Variants in UBN2 observed in about 807,000 individuals in gnomAD.
UBN2 encodes the protein ubinuclein-2.
A neutral mutation model predicts 120.2 loss-of-function variants in UBN2; 35 were observed. That is an observed-to-expected ratio of 0.29 (90% CI 0.22 to 0.39). The LOEUF is 0.39. Among genes scored for constraint, UBN2 ranks in the 10% least tolerant of loss-of-function variants. The pLI is 1.00. For synonymous variants in UBN2, 661 were observed against 648.7 expected (o/e 1.02, Z -0.29); for missense variants, 1,693 against 1,663.2 (o/e 1.02, Z -0.31).
chr7:139,267,961 C>G (rs1398837484), intron 7 of UBN2, among the ~76,000 whole-genome samples: 1 of 152,226 alleles, frequency 6.6e-6, no homozygotes, highest in Admixed American at 6.5e-5. Context: ...GTCCCAGATT[C>G]CATAGTCAGG....
At chr7:139,273,086 T>A (rs1797336656) in intron 9 of UBN2, among the ~76,000 whole-genome samples, 1 of 152,204 alleles carries the variant, frequency 6.6e-6, no homozygotes, top group Admixed American at 6.6e-5. Context: ...AAAAGGTGAA[T>A]GTTGGTGCCT....
At chr7:139,313,077 C>T (rs576536258), downstream of UBN2, among the ~76,000 whole-genome samples, 54 of 151,904 alleles carry the variant, frequency 3.6e-4, no homozygotes, top group African/African-American at 1.1e-3. Context: ...AGAGAGTCCC[C>T]GTCTTTGTTA....
Position 139,284,291 on chromosome 7 carries a change from T to A in UBN2, c.3386T>A (p.Leu1129Ter). Residue 1129 changes from leucine (L) to a stop codon, truncating the protein, a stop_gained, in exon 15 of 18, where the codon TTG becomes TAG. Coordinates refer to ENST00000473989, the MANE Select transcript of UBN2 (RefSeq NM_173569.4). LOFTEE classifies it high-confidence loss of function. ...ISRQSPTLNLLPSSRTSGLPP... is the reference protein window; with the variant it reads ...ISRQSPTLNL ...AGACAGTCTCCCACCTTGAATTTAT[T>A]GCCCTCTAGTCGCACTTCAGGCCTT... is the stretch of plus-strand genomic sequence containing the variant. 1 of 1,614,190 alleles carries A rather than the reference T, an allele frequency of 6.2e-7. No individual in the cohort carries two copies. Among genetic ancestry groups the A allele is most frequent in the Non-Finnish European group, 8.5e-7 (1 of 1,180,036 alleles).
intron 6 of UBN2, among the ~76,000 whole-genome samples, chr7:139,261,969 GA>G (rs1199139409): frequency 1.5e-5 from 2 of 136,874 alleles, no homozygotes; most frequent in Non-Finnish European, 3.1e-5. Flanking sequence ...TTTTTTAGTA[GA>G]GACGGGGTTT....
chr7:139,237,368 C>T (rs376419709), intron 2 of UBN2, among the ~76,000 whole-genome samples: 2 of 152,226 alleles, frequency 1.3e-5, no homozygotes, highest in South Asian at 4.1e-4. Flanking sequence ...GCAGTGTTGG[C>T]TCACTGCAAC....
At chr7:139,293,578 T>G (rs771143344) in intron 16 of UBN2, 115 bp downstream of exon 16, 282 of 949,074 alleles carry the variant, frequency 3.0e-4, no homozygotes, top group Non-Finnish European at 4.1e-4. Flanking sequence ...TATAGTTTTT[T>G]TTTTTTTTTT....
intron 2 of UBN2, 34 bp from the exon 3 acceptor site, chr7:139,251,922 T>C (rs1222551218): frequency 6.3e-7 from 1 of 1,589,072 alleles, no homozygotes. Context: ...ACAGCATGAG[T>C]ACCAAATCAG....
chr7:139,318,683 C>A, the UBN2 span, among the ~76,000 whole-genome samples: 1 of 151,884 alleles, frequency 6.6e-6, no homozygotes, highest in Admixed American at 6.6e-5. Flanking sequence ...AATTTGAGGC[C>A]TGGATTTAAA....
In UBN2 at chr7:139,293,993, A is replaced by G. The variant is rs1798038920; in HGVS notation, c.3994+12A>G. On this transcript the variant is annotated intron_variant, in intron 17 of 17. Coordinates refer to ENST00000473989, the MANE Select transcript of UBN2 (RefSeq NM_173569.4). ...GCAAGCATTTCACGGTGAGAACGCC[A>G]CCTCCTTCATCTCTTTCTTATTTGT... is the stretch of plus-strand genomic sequence containing the variant. The G allele has an allele frequency of 6.2e-7, 1 of 1,611,734 alleles. No individual in the cohort carries two copies. The highest frequency in any genetic ancestry group is 1.7e-5 in the Admixed American group (1 of 59,966).
rs2131083807 is a variant in UBN2 at position 139,300,889 on chromosome 7, A to G, written c.*3053A>G. ...GTCAAGCTCATTCAGAGCATCCAGA[A>G]TAAATGCAAGCAATAATTTCCATTA... On this transcript the variant is annotated 3_prime_UTR_variant, in exon 18 of 18. Transcript: ENST00000473989. 1 of 152,342 alleles carries G rather than the reference A, an allele frequency of 6.6e-6. No homozygotes were observed. The highest frequency in any genetic ancestry group is 2.1e-4 in the South Asian group (1 of 4,824). The allele number at this position is 152,342 out of a possible 1,614,324, so 9.4% of individuals were successfully genotyped here. A position where few individuals can be genotyped will look rare whatever the true frequency, so the allele number is the denominator to read the frequency against.
chr7:139,309,554 TA>T (rs1042091585), downstream of UBN2, among the ~76,000 whole-genome samples: 2 of 152,226 alleles, frequency 1.3e-5, no homozygotes, highest in African/African-American at 4.8e-5. Flanking sequence ...AATTTTTTTT[TA>T]AAACATATTT....
chr7:139,265,674 A>C (rs1318291195), intron 6 of UBN2, among the ~76,000 whole-genome samples: 2 of 152,098 alleles, frequency 1.3e-5, no homozygotes, highest in Non-Finnish European at 2.9e-5. Context: ...TGCTTAGAAG[A>C]GGGAGGCAGA....
chr7:139,309,979 T>G (rs1042909193), downstream of UBN2, among the ~76,000 whole-genome samples: 6 of 152,188 alleles, frequency 3.9e-5, no homozygotes, highest in Non-Finnish European at 7.3e-5. Flanking sequence ...TAAATATATT[T>G]TCAATGAACC....
intron 15 of UBN2, among the ~76,000 whole-genome samples, chr7:139,286,155 T>C (rs1275863108): frequency 6.6e-6 from 1 of 152,216 alleles, no homozygotes; most frequent in Non-Finnish European, 1.5e-5. Flanking sequence ...CTTGAACTCC[T>C]GACCCCAGTT....
intron 15 of UBN2, among the ~76,000 whole-genome samples, chr7:139,287,049 T>C (rs1210828774): frequency 6.6e-6 from 1 of 152,144 alleles, no homozygotes; most frequent in Admixed American, 6.5e-5. Context: ...ACATTGATAC[T>C]AGGGATTATA....
chr7:139,262,940 A>G (rs1050943756), intron 6 of UBN2, among the ~76,000 whole-genome samples: 1 of 152,170 alleles, frequency 6.6e-6, no homozygotes, highest in African/African-American at 2.4e-5. Context: ...ATTATTCATA[A>G]TAGCTATCGT....
chr7:139,277,606 TTC>T (rs1797483272), intron 12 of UBN2: 1 of 152,178 alleles, frequency 6.6e-6, no homozygotes, highest in Non-Finnish European at 1.5e-5. Flanking sequence ...TGGTTTTTGG[TTC>T]TGTTTTTTTT....
Position 139,303,426 on chromosome 7 carries a change from C to G in UBN2, c.*5590C>G, listed in dbSNP as rs1798305079. The G allele has an allele frequency of 6.6e-6, 1 of 152,102 alleles. No individual in the cohort carries two copies. The highest frequency in any genetic ancestry group is 1.5e-5 in the Non-Finnish European group (1 of 68,022). The allele number at this position is 152,102 out of a possible 1,614,324, so 9.4% of individuals were successfully genotyped here. On this transcript the variant is annotated 3_prime_UTR_variant, in exon 18 of 18. Transcript: ENST00000473989. ...CATTCTAATTGGGAAGAAGAAGAGACTAGTGGCTTAAAAGGAGAAAGCAGA... is the reference window on the plus strand; with the variant it reads ...CATTCTAATTGGGAAGAAGAAGAGAGTAGTGGCTTAAAAGGAGAAAGCAGA...
In UBN2 at chr7:139,269,531, G is replaced by A. The variant is rs1220167066; in HGVS notation, c.1596+8G>A. On this transcript the variant is annotated splice_region_variant and intron_variant, in intron 8 of 17. Transcript: ENST00000473989. ...TTACATCTCAATGTCCAGGTAAGAG[G>A]AAGAACAATAATATCTACATCTTGG... 1 of 1,613,306 alleles carries A rather than the reference G, an allele frequency of 6.2e-7. No individual in the cohort carries two copies. Among genetic ancestry groups the A allele is most frequent in the Admixed American group, 1.7e-5 (1 of 59,844 alleles).
Sources: gnomAD v4.1 joint callset for allele counts (sites outside exome capture counted in the v4.1 genomes callset) on GRCh38, gnomAD v4.1.1 for gene constraint, MANE v1.5 for transcripts, NCBI Gene and HGNC (gene_info 2026-07-23, HGNC 2026-07-21) for gene names.